Variants in KSR1 observed in about 807,000 individuals in gnomAD.
KSR1 encodes kinase suppressor of ras.
A neutral mutation model predicts 92.9 loss-of-function variants in KSR1; 35 were observed. The ratio of observed to expected loss-of-function variants is 0.38; its 90% CI spans 0.29 to 0.50. The LOEUF is 0.50. KSR1 is among the 20% of genes least tolerant of loss of function. The pLI, the probability that KSR1 is intolerant of heterozygous loss-of-function variation, is 0.94. For synonymous variants in KSR1, 467 were observed against 472.6 expected (o/e 0.99, Z 0.15); for missense variants, 972 against 1,158.5 (o/e 0.84, Z 2.34).
intron 1 of KSR1, among the ~76,000 whole-genome samples, chr17:27,529,912 T>G (rs1201627260): frequency 6.6e-6 from 1 of 152,190 alleles, no homozygotes; most frequent in Non-Finnish European, 1.5e-5. Flanking sequence ...GGCCCCCACT[T>G]GAATCTGAGG....
At chr17:27,604,022 C>A (rs2073661976) in intron 12 of KSR1, 134 bp downstream of exon 12, 2 of 884,724 alleles carry the variant, frequency 2.3e-6, no homozygotes, top group Non-Finnish European at 1.8e-6. Flanking sequence ...GCTCATTCAC[C>A]CTCTGGGCAA....
At chr17:27,563,323 G>A (rs2071912590) in intron 2 of KSR1, among the ~76,000 whole-genome samples, 1 of 151,772 alleles carries the variant, frequency 6.6e-6, no homozygotes, top group Admixed American at 6.6e-5. Flanking sequence ...GAGTGTAGTG[G>A]TGCAATCATG....
rs373033143 is a variant in KSR1, at chr17:27,593,949, G to A, written c.1299+1323G>A. 3.9e-5 allele frequency among the ~76,000 whole-genome samples: 6 copies of A among 152,260 alleles called. No individual in the cohort carries two copies. In the East Asian group the frequency reaches 1.2e-3, roughly 29 times the overall value. On this transcript the variant is annotated intron_variant, in intron 9 of 20. Transcript: ENST00000644974. ...AAGCTCCCTCGAGGCCTTCCATGAGGGCTCCAGTCCTGTTCCTGAGGGCTC... is the reference window on the plus strand; with the variant it reads ...AAGCTCCCTCGAGGCCTTCCATGAGAGCTCCAGTCCTGTTCCTGAGGGCTC...
chr17:27,608,019 G>A lies in KSR1; in HGVS notation c.2091+9G>A, dbSNP rs2073811030. The stretch of plus-strand genomic sequence containing the variant: ...CTCAGGAGATCATCAAGGTGAGGGG[G>A]TGCCCAGCTGCTGGGGGTGGGTTTC... On this transcript the variant is annotated intron_variant, in intron 15 of 20. Coordinates refer to ENST00000644974, the MANE Select transcript of KSR1 (RefSeq NM_001394583.1). 6.3e-7 allele frequency: 1 copy of A among 1,591,632 alleles called. No homozygotes were observed. Among genetic ancestry groups the A allele is most frequent in the Non-Finnish European group, 8.6e-7 (1 of 1,166,046 alleles).
intron 20 of KSR1, chr17:27,621,897 T>G (rs2151275912): frequency 6.2e-7 from 1 of 1,613,094 alleles, no homozygotes; most frequent in East Asian, 2.2e-5. Context: ...ATTCTGATGC[T>G]GTTCTTTGCT....
At chr17:27,582,501 A>G in intron 3 of KSR1, 145 bp from the exon 4 acceptor site, 2 of 708,858 alleles carry the variant, frequency 2.8e-6, no homozygotes. Context: ...GCCTTTATAA[A>G]CCAGGTAAAG....
At chr17:27,483,579 T>G (rs2150947741) in intron 1 of KSR1, 1 of 135,536 alleles carries the variant, frequency 7.4e-6, no homozygotes, top group Middle Eastern at 3.7e-3. Flanking sequence ...AAGAGCGAAA[T>G]TCTCAAAAAA....
At chr17:27,586,826 C>G (rs1239601432) in intron 5 of KSR1, among the ~76,000 whole-genome samples, 4 of 152,176 alleles carry the variant, frequency 2.6e-5, no homozygotes, top group Non-Finnish European at 4.4e-5. Flanking sequence ...CCAACATAGT[C>G]TGTTTCTCCT....
At chr17:27,479,189 T>G (rs980274389) in intron 1 of KSR1, among the ~76,000 whole-genome samples, 17 of 149,726 alleles carry the variant, frequency 1.1e-4, no homozygotes, top group African/African-American at 4.2e-4. Flanking sequence ...CTTCCCTCCC[T>G]CTATGCTCCT....
At chr17:27,592,272 G>C (rs1191705381) in intron 7 of KSR1, 89 bp from the exon 8 acceptor site, 1 of 979,168 alleles carries the variant, frequency 1.0e-6, no homozygotes, top group African/African-American at 1.6e-5. Flanking sequence ...AATGGAGACA[G>C]TCCTGAGTGA....
At chr17:27,622,081 C>A in intron 20 of KSR1, 1 of 741,232 alleles carries the variant, frequency 1.3e-6, no homozygotes, top group Non-Finnish European at 2.3e-6. Context: ...CTCGAGGCTA[C>A]TTCTTTTGCT....
At chr17:27,598,791 C>G (rs1488600641) in intron 10 of KSR1, among the ~76,000 whole-genome samples, 4 of 152,200 alleles carry the variant, frequency 2.6e-5, no homozygotes, top group Non-Finnish European at 2.9e-5. Context: ...TCGTCCCCTG[C>G]ACAGAGGCCT....
rs1227278756 is a variant in KSR1, at chr17:27,607,977, C to T, written c.2058C>T (p.Asn686=). Reference sequence around the variant, plus strand: ...ACCCCAAGACGTCTCTGGACATCAACAAGACGAGGCAAATCGCTCAGGAGA... The same window carrying T: ...ACCCCAAGACGTCTCTGGACATCAATAAGACGAGGCAAATCGCTCAGGAGA... ...VRDPKTSLDI[N]KTRQIAQEII... The change falls in exon 15 of 21, where the codon AAC becomes AAT. Residue 686 remains asparagine, a synonymous_variant. Transcript: ENST00000644974. 1.9e-6 allele frequency: 3 copies of T among 1,610,340 alleles called. No homozygotes were observed. Among genetic ancestry groups the T allele is most frequent in the South Asian group, 2.2e-5 (2 of 90,136 alleles).
Position 27,623,589 on chromosome 17 carries a change from CCAA to C in KSR1, c.*202_*204del. On this transcript the variant is annotated 3_prime_UTR_variant, in exon 21 of 21. Transcript: ENST00000644974. ...CCTGCTATTTCTTAAAATGACACCA[CCAA>C]CAACCAAACCTGTCATGACAGACAG... 1 of 633,022 alleles carries C rather than the reference CCAA, an allele frequency of 1.6e-6. No homozygotes were observed. Among genetic ancestry groups the C allele is most frequent in the Non-Finnish European group, 2.8e-6 (1 of 356,658 alleles). 39.2% of individuals were successfully genotyped at this position (633,022 alleles called of 1,614,324 possible).
At chr17:27,517,604 T>A (rs1235466269) in intron 1 of KSR1, among the ~76,000 whole-genome samples, 2 of 152,238 alleles carry the variant, frequency 1.3e-5, no homozygotes, top group Non-Finnish European at 2.9e-5. Context: ...CTGATAATAA[T>A]TCTTTCATTT....
At chr17:27,601,184 C>G (rs2073543575) in intron 10 of KSR1, 176 bp from the exon 11 acceptor site, 1 of 598,316 alleles carries the variant, frequency 1.7e-6, no homozygotes, top group Non-Finnish European at 3.0e-6. Context: ...CCATTTTCTC[C>G]CAGCTCTTTT....
chr17:27,561,128 A>G (rs1285919031), intron 2 of KSR1, among the ~76,000 whole-genome samples: 8 of 152,226 alleles, frequency 5.3e-5, no homozygotes, highest in Non-Finnish European at 1.0e-4. Context: ...TATCCCTGGG[A>G]CAGGAGACAG....
At chr17:27,621,894 T>C (rs143376536) in intron 20 of KSR1, 115 of 1,612,748 alleles carry the variant, frequency 7.1e-5, no homozygotes, top group African/African-American at 6.0e-4. Flanking sequence ...ATGATTCTGA[T>C]GCTGTTCTTT....
chr17:27,601,776 C>A, intron 11 of KSR1: 3 of 754,992 alleles, frequency 4.0e-6, no homozygotes, highest in Non-Finnish European at 4.4e-6. Context: ...CGTATCCTCC[C>A]TTGCACAATG....
Sources: gnomAD v4.1 joint callset for allele counts (sites outside exome capture counted in the v4.1 genomes callset) on GRCh38, gnomAD v4.1.1 for gene constraint, MANE v1.5 for transcripts, NCBI Gene and HGNC (gene_info 2026-07-23, HGNC 2026-07-21) for gene names.